CORO2B: variants seen among roughly 807,000 people sequenced by gnomAD.
CORO2B encodes the protein coronin-2B.
A neutral mutation model predicts 58.8 loss-of-function variants in CORO2B; 26 were observed. The ratio of observed to expected loss-of-function variants is 0.44; its 90% CI spans 0.32 to 0.61. CORO2B has a LOEUF of 0.61. CORO2B is among the 20% of genes least tolerant of loss of function. The probability of loss-of-function intolerance (pLI) is 0.04; values close to 1 mark genes in which losing one functional copy is unlikely to be tolerated. For missense variants in CORO2B, 460 were observed against 645.1 expected (o/e 0.71, Z 3.11); for synonymous variants, 242 against 253.8 (o/e 0.95, Z 0.44).
chr15:68,718,392 A>G (rs1208876214), intron 8 of CORO2B, among the ~76,000 whole-genome samples: 2 of 151,872 alleles, frequency 1.3e-5, no homozygotes, highest in Non-Finnish European at 2.9e-5. Flanking sequence ...CCCTCTCTGG[A>G]CCCTCATCTA....
chr15:68,564,759 C>T, the CORO2B span, among the ~76,000 whole-genome samples: 4 of 152,186 alleles, frequency 2.6e-5, no homozygotes, highest in Non-Finnish European at 5.9e-5. Context: ...ACGGTCAAAT[C>T]ATATCAATGT....
At chr15:68,725,165 T>C (rs944592945) in intron 11 of CORO2B, among the ~76,000 whole-genome samples, 6 of 152,030 alleles carry the variant, frequency 3.9e-5, no homozygotes, top group Non-Finnish European at 8.8e-5. Flanking sequence ...GGTCAGGAGT[T>C]CGAGACCAGC....
At chr15:68,706,571 C>T (rs1038069096) in intron 3 of CORO2B, among the ~76,000 whole-genome samples, 2 of 152,222 alleles carry the variant, frequency 1.3e-5, no homozygotes, top group African/African-American at 4.8e-5. Flanking sequence ...GCTTATGCAC[C>T]AAGATACAGT....
chr15:68,529,276 TA>T, the CORO2B span, among the ~76,000 whole-genome samples: 1 of 152,226 alleles, frequency 6.6e-6, no homozygotes, highest in Non-Finnish European at 1.5e-5. Flanking sequence ...TTGCTCTCTA[TA>T]TCCTTATCAA....
chr15:68,699,912 C>G (rs1050803027), intron 3 of CORO2B, among the ~76,000 whole-genome samples: 1 of 152,170 alleles, frequency 6.6e-6, no homozygotes, highest in Admixed American at 6.5e-5. Context: ...TCATCACGCT[C>G]AACATTTACA....
chr15:68,625,076 C>CTTCCTCTGCACCACACTCGGCTG (rs1900637865), intron 1 of CORO2B, among the ~76,000 whole-genome samples: 1 of 152,192 alleles, frequency 6.6e-6, no homozygotes, highest in Admixed American at 6.5e-5. Flanking sequence ...CCCAGGGTCC[C>CTTCCTCTGCACCACACTCGGCTG]TTCCTCTGCA....
At chr15:68,719,101 A>C in intron 9 of CORO2B, 43 bp from the exon 10 acceptor site, 1 of 1,465,294 alleles carries the variant, frequency 6.8e-7, no homozygotes, top group Non-Finnish European at 9.6e-7. Context: ...GGGCTTTCCC[A>C]GCAGCCCCCC....
At chr15:68,545,446 G>A in the CORO2B span, among the ~76,000 whole-genome samples, 3 of 152,164 alleles carry the variant, frequency 2.0e-5, no homozygotes, top group African/African-American at 7.2e-5. Flanking sequence ...ATTGAGTTGT[G>A]TGTTGTGTGG....
upstream of CORO2B, chr15:68,578,951 T>TAC: frequency 3.7e-6 from 2 of 535,878 alleles, no homozygotes; most frequent in Non-Finnish European, 4.7e-6. This position sits in a 1 kb window ranked among gnomAD's most constrained non-coding sequence, Gnocchi z 4.2. Flanking sequence ...CCCCTCTTCC[T>TAC]CCCCCCGCCC....
At chr15:68,657,375 G>C (rs556751917) in intron 2 of CORO2B, among the ~76,000 whole-genome samples, 1 of 152,130 alleles carries the variant, frequency 6.6e-6, no homozygotes, top group Admixed American at 6.5e-5. Flanking sequence ...AAATTAGCCA[G>C]GTGTGGTGGC....
chr15:68,620,102 G>T (rs567064625), intron 1 of CORO2B, among the ~76,000 whole-genome samples: 118 of 152,190 alleles, frequency 7.8e-4, no homozygotes, highest in African/African-American at 2.7e-3. Flanking sequence ...AGTAGAGACG[G>T]GGTTTCACCA....
At chr15:68,549,884 T>C in the CORO2B span, among the ~76,000 whole-genome samples, 1 of 151,866 alleles carries the variant, frequency 6.6e-6, no homozygotes, top group Non-Finnish European at 1.5e-5. Flanking sequence ...GAGGTTGCAG[T>C]GAGCTGAGAT....
rs368148137 is a variant in CORO2B, at chr15:68,579,115, G to A, written c.-148G>A. 4 of 982,386 alleles carry A rather than the reference G, an allele frequency of 4.1e-6. No individual in the cohort carries two copies. Among genetic ancestry groups the A allele is most frequent in the African/African-American group, 1.8e-5 (1 of 56,944 alleles). 60.9% of individuals were successfully genotyped at this position (982,386 alleles called of 1,614,324 possible). A position where few individuals can be genotyped will look rare whatever the true frequency, so the allele number is the denominator to read the frequency against. ...GCGGTCCCTGCGCGCTGCCCGCCCG[G>A]AGCGCAGCCCCCAGGCTCGGCCGAG... On this transcript the variant is annotated 5_prime_UTR_variant, in exon 1 of 12. Coordinates refer to ENST00000261861, the MANE Select transcript of CORO2B (RefSeq NM_006091.5).
the CORO2B span, among the ~76,000 whole-genome samples, chr15:68,554,456 C>T: frequency 6.6e-6 from 1 of 152,118 alleles, no homozygotes; most frequent in Non-Finnish European, 1.5e-5. Flanking sequence ...CTGACCTTTA[C>T]CTCCTCCCCC....
Position 68,711,637 on chromosome 15 carries a change from C to G in CORO2B, c.579C>G (p.Ser193Arg). 6.2e-7 allele frequency: 1 copy of G among 1,614,128 alleles called. No homozygotes were observed. Among genetic ancestry groups the G allele is most frequent in the Non-Finnish European group, 8.5e-7 (1 of 1,180,004 alleles). ...GCATGTCCTTCAACACGGACGGCAGCCTGCTCACCACCACGTGCAAGGACA... is the reference window on the plus strand; with the variant it reads ...GCATGTCCTTCAACACGGACGGCAGGCTGCTCACCACCACGTGCAAGGACA... ...ILCMSFNTDGSLLTTTCKDKK... is the reference protein window; with the variant it reads ...ILCMSFNTDGRLLTTTCKDKK... Residue 193 changes from serine (S) to arginine (R), a missense_variant, in exon 5 of 12, where the codon AGC becomes AGG. Transcript: ENST00000261861.
chr15:68,641,440 G>A (rs1901223787), intron 1 of CORO2B: 4 of 772,844 alleles, frequency 5.2e-6, no homozygotes, highest in Non-Finnish European at 4.7e-6. Context: ...GGGATTTGGG[G>A]GAGAGAGGAA....
intron 1 of CORO2B, among the ~76,000 whole-genome samples, chr15:68,631,285 G>T (rs1900819938): frequency 6.6e-6 from 1 of 152,218 alleles, no homozygotes; most frequent in Non-Finnish European, 1.5e-5. Context: ...GACCAAGAGG[G>T]TGGAGACTGT....
At chr15:68,653,998 C>T (rs887424469) in intron 2 of CORO2B, among the ~76,000 whole-genome samples, 7 of 152,260 alleles carry the variant, frequency 4.6e-5, no homozygotes, top group African/African-American at 9.6e-5. Flanking sequence ...AGCTGCCTTC[C>T]GCTTGGTGCA....
the CORO2B span, among the ~76,000 whole-genome samples, chr15:68,531,034 A>G: frequency 6.6e-6 from 1 of 152,124 alleles, no homozygotes; most frequent in African/African-American, 2.4e-5. Context: ...TGTGGCTTAC[A>G]ATATATATCT....
Sources: gnomAD v4.1 joint callset for allele counts (sites outside exome capture counted in the v4.1 genomes callset) on GRCh38, gnomAD v4.1.1 for gene constraint, Gnocchi (gnomAD v3.1) non-coding constraint, MANE v1.5 for transcripts, NCBI Gene and HGNC (gene_info 2026-07-23, HGNC 2026-07-21) for gene names.